Variants in CFAP54 observed in about 807,000 individuals in gnomAD.
CFAP54 encodes the protein cilia- and flagella-associated protein 54.
Under a neutral mutation model 370.4 loss-of-function variants are expected in CFAP54, and 290 were observed. The ratio of observed to expected loss-of-function variants is 0.78; its 90% CI spans 0.71 to 0.86. The LOEUF is 0.86. CFAP54 is among the 40% of genes least tolerant of loss of function. The pLI, the probability that CFAP54 is intolerant of heterozygous loss-of-function variation, is 0.00. For synonymous variants in CFAP54, 1,206 were observed against 1,236.5 expected (o/e 0.98, Z 0.52); for missense variants, 3,399 against 3,528.7 (o/e 0.96, Z 0.93).
At chr12:96,616,919 A>G (rs1956425121) in intron 26 of CFAP54, among the ~76,000 whole-genome samples, 1 of 152,184 alleles carries the variant, frequency 6.6e-6, no homozygotes, top group East Asian at 1.9e-4. Flanking sequence ...ATTAGAGGAG[A>G]TAAGACCTGA....
At chr12:96,835,501 C>T (rs1418158150) in intron 66 of CFAP54, among the ~76,000 whole-genome samples, 2 of 152,142 alleles carry the variant, frequency 1.3e-5, no homozygotes, top group Non-Finnish European at 2.9e-5. Flanking sequence ...TGCCAGGGAC[C>T]TGCCCCCTTC....
chr12:96,744,190 A>G, intron 55 of CFAP54, 44 bp downstream of exon 55: 1 of 1,520,544 alleles, frequency 6.6e-7, no homozygotes, highest in South Asian at 1.2e-5. Context: ...AACTGATAAA[A>G]CTTTTTAAGT....
At chr12:96,716,301 T>A (rs1453551070) in intron 48 of CFAP54, among the ~76,000 whole-genome samples, 1 of 152,272 alleles carries the variant, frequency 6.6e-6, no homozygotes, top group African/African-American at 2.4e-5. Context: ...TGCTTGGAGA[T>A]GTTTCTCTTA....
intron 50 of CFAP54, among the ~76,000 whole-genome samples, chr12:96,734,421 T>C (rs1957957422): frequency 6.6e-6 from 1 of 152,202 alleles, no homozygotes; most frequent in East Asian, 1.9e-4. Context: ...TCATAGCCCC[T>C]AGATTTCTCC....
At chr12:96,842,792 C>A (rs542530031) in intron 66 of CFAP54, among the ~76,000 whole-genome samples, 31 of 152,142 alleles carry the variant, frequency 2.0e-4, no homozygotes, top group African/African-American at 7.5e-4. Flanking sequence ...TTTTTCTTGC[C>A]CTTTGCTTCT....
At chr12:96,664,782 T>G (rs1565934507) in intron 39 of CFAP54, among the ~76,000 whole-genome samples, 18 of 23,782 alleles carry the variant, frequency 7.6e-4, no homozygotes, top group African/African-American at 3.2e-3. Context: ...TATATCTATA[T>G]ATATATATAT....
At chr12:96,758,842 T>C (rs1174537035) in intron 58 of CFAP54, among the ~76,000 whole-genome samples, 1 of 152,154 alleles carries the variant, frequency 6.6e-6, no homozygotes, top group Non-Finnish European at 1.5e-5. Context: ...CTCTGAGATT[T>C]GGCATTTCTA....
At chr12:96,589,816 G>C (rs932380119) in intron 23 of CFAP54, among the ~76,000 whole-genome samples, 3 of 151,694 alleles carry the variant, frequency 2.0e-5, no homozygotes, top group African/African-American at 7.3e-5. Context: ...GCATGATCCT[G>C]GCTCACTGCA....
intron 30 of CFAP54, among the ~76,000 whole-genome samples, chr12:96,627,518 T>C (rs1000621680): frequency 1.3e-5 from 2 of 152,238 alleles, no homozygotes; most frequent in African/African-American, 4.8e-5. Flanking sequence ...TCACTGGGCA[T>C]TGATCTGTCC....
intron 13 of CFAP54, among the ~76,000 whole-genome samples, chr12:96,539,350 C>T (rs992912256): frequency 4.6e-5 from 7 of 151,884 alleles, no homozygotes; most frequent in South Asian, 2.1e-4. Flanking sequence ...TGAGCCCCTG[C>T]GCCCGGCTTC....
At chr12:96,625,559 G>A (rs1161247594) in intron 28 of CFAP54, among the ~76,000 whole-genome samples, 159 bp from the exon 29 acceptor site, 1 of 152,150 alleles carries the variant, frequency 6.6e-6, no homozygotes, top group East Asian at 1.9e-4. Flanking sequence ...TTTCCAAAAT[G>A]TAATGCTATA....
intron 50 of CFAP54, among the ~76,000 whole-genome samples, chr12:96,738,848 G>A (rs1349186765): frequency 6.6e-6 from 1 of 152,122 alleles, no homozygotes; most frequent in Non-Finnish European, 1.5e-5. Flanking sequence ...CTGACTTCGT[G>A]ATCTGCCTAC....
chr12:96,781,170 A>G (rs942342011), intron 60 of CFAP54, among the ~76,000 whole-genome samples: 1 of 152,180 alleles, frequency 6.6e-6, no homozygotes, highest in African/African-American at 2.4e-5. Flanking sequence ...TGTCTTCAAT[A>G]GCATGAATGG....
intron 26 of CFAP54, among the ~76,000 whole-genome samples, chr12:96,610,347 C>G (rs924686641): frequency 1.3e-5 from 2 of 151,954 alleles, no homozygotes; most frequent in Non-Finnish European, 2.9e-5. Flanking sequence ...TTTATATGGC[C>G]TTGGAGTCAG....
At chr12:96,724,469 GTCT>G (rs1478705731) in intron 50 of CFAP54, among the ~76,000 whole-genome samples, 1 of 152,204 alleles carries the variant, frequency 6.6e-6, no homozygotes, top group African/African-American at 2.4e-5. Context: ...CTGCATAAAT[GTCT>G]TCTTTTGAGA....
At chr12:96,693,667 G>T (rs2136567715) in intron 44 of CFAP54, 55 bp from the exon 45 acceptor site, 1 of 1,146,572 alleles carries the variant, frequency 8.7e-7, no homozygotes, top group East Asian at 2.4e-5. Flanking sequence ...TTGATTATTA[G>T]GTTATTAGTT....
intron 39 of CFAP54, among the ~76,000 whole-genome samples, chr12:96,664,622 ATGTGTGTGTGTGTGTGTG>A (rs55839375): frequency 9.5e-5 from 11 of 115,198 alleles, no homozygotes; most frequent in Admixed American, 1.9e-4. Flanking sequence ...CCAAGAACGT[ATGTGTGTGTGTGTGTGTG>A]TGTGTGTGTG....
intron 66 of CFAP54, among the ~76,000 whole-genome samples, chr12:96,831,226 A>G (rs1473343819): frequency 6.6e-6 from 1 of 152,190 alleles, no homozygotes; most frequent in African/African-American, 2.4e-5. Context: ...AGCAACAAAG[A>G]TTCCACTCTC....
At chr12:96,692,531 A>G (rs1413772931) in intron 44 of CFAP54, among the ~76,000 whole-genome samples, 1 of 152,236 alleles carries the variant, frequency 6.6e-6, no homozygotes, top group Non-Finnish European at 1.5e-5. Context: ...GTAATCGCCA[A>G]CTTTTAATGT....
Sources: gnomAD v4.1 joint callset for allele counts (sites outside exome capture counted in the v4.1 genomes callset) on GRCh38, gnomAD v4.1.1 for gene constraint, MANE v1.5 for transcripts, NCBI Gene and HGNC (gene_info 2026-07-23, HGNC 2026-07-21) for gene names.